KIRREL1: variants seen among roughly 807,000 people sequenced by gnomAD.
The protein encoded by KIRREL1 is kin of IRRE-like protein 1.
In KIRREL1, 25 loss-of-function variants were observed where a neutral mutation model predicts 83.3. The ratio of observed to expected loss-of-function variants is 0.30; its 90% CI spans 0.22 to 0.42. The LOEUF is 0.42. KIRREL1 is among the 10% of genes least tolerant of loss of function. The pLI is 1.00. For synonymous variants in KIRREL1, 388 were observed against 410.4 expected (o/e 0.95, Z 0.66); for missense variants, 812 against 1,032.3 (o/e 0.79, Z 2.92).
intron 1 of KIRREL1, among the ~76,000 whole-genome samples, chr1:158,011,828 C>T (rs370228576): frequency 5.3e-5 from 8 of 152,280 alleles, no homozygotes; most frequent in South Asian, 2.1e-4. Context: ...GCCACGAGGA[C>T]GTAGTCACAC....
rs1374089940 is a variant in KIRREL1 at position 158,096,469 on chromosome 1, G to A, written c.*1349G>A. On this transcript the variant is annotated 3_prime_UTR_variant, in exon 15 of 15. Coordinates refer to ENST00000359209, the MANE Select transcript of KIRREL1 (RefSeq NM_018240.7). ...GACCCTATGTGGGCGGTTGTGTGGG[G>A]AGTGGGTACTTGTGAGCCTCGGACA... 1.2e-5 allele frequency: 5 copies of A among 404,094 alleles called. No homozygotes were observed. In the East Asian group the frequency reaches 2.9e-4, roughly 23 times the overall value. 25.0% of individuals were successfully genotyped at this position (404,094 alleles called of 1,614,324 possible). A position where few individuals can be genotyped will look rare whatever the true frequency, so the allele number is the denominator to read the frequency against.
chr1:158,048,061 TAAG>T (rs1298409599), intron 1 of KIRREL1, among the ~76,000 whole-genome samples: 3 of 152,152 alleles, frequency 2.0e-5, no homozygotes, highest in Non-Finnish European at 4.4e-5. Flanking sequence ...TCTCTTACTT[TAAG>T]AAGATCTCTG....
chr1:157,994,123 G>GGTGGGAT (rs1314041030), intron 1 of KIRREL1, among the ~76,000 whole-genome samples: 1 of 152,194 alleles, frequency 6.6e-6, no homozygotes, highest in East Asian at 1.9e-4. Context: ...CTGGGAAGAG[G>GGTGGGAT]GTGGGATTTC....
At chr1:158,040,363 A>C (rs1054437819) in intron 1 of KIRREL1, among the ~76,000 whole-genome samples, 1 of 152,224 alleles carries the variant, frequency 6.6e-6, no homozygotes. Flanking sequence ...AGAGACATGG[A>C]AAAGAAAAAA....
chr1:158,047,597 C>T (rs1180153400), intron 1 of KIRREL1, among the ~76,000 whole-genome samples: 1 of 152,182 alleles, frequency 6.6e-6, no homozygotes, highest in Non-Finnish European at 1.5e-5. Context: ...GGTGCTTTAT[C>T]ATTTACAGAG....
rs549554297 is a variant in KIRREL1, at chr1:158,047,365, G to T, written c.53-28748G>T. 3.4e-4 allele frequency among the ~76,000 whole-genome samples: 51 copies of T among 152,148 alleles called. 1 individual carries two copies. Among genetic ancestry groups the T allele is most frequent in the Non-Finnish European group, 1.3e-4 (9 of 68,020 alleles). The stretch of plus-strand genomic sequence containing the variant: ...TGGAAAGTGCTGACAAGGCCCCTGT[G>T]TCTGACTGGGGTGGGGAATGGGGGT... On this transcript the variant is annotated intron_variant, in intron 1 of 14. Transcript: ENST00000359209.
intron 1 of KIRREL1, among the ~76,000 whole-genome samples, chr1:158,010,541 A>G (rs1659658616): frequency 6.6e-6 from 1 of 152,040 alleles, no homozygotes; most frequent in Non-Finnish European, 1.5e-5. Flanking sequence ...CATGTTGATA[A>G]GAGTTTCTCC....
chr1:158,058,594 T>G (rs1661129398), intron 1 of KIRREL1, among the ~76,000 whole-genome samples: 1 of 152,144 alleles, frequency 6.6e-6, no homozygotes, highest in Non-Finnish European at 1.5e-5. Flanking sequence ...CCTAGGTTTC[T>G]GATCCTGCTT....
intron 1 of KIRREL1, among the ~76,000 whole-genome samples, chr1:158,056,105 A>G (rs1021741403): frequency 6.6e-6 from 1 of 152,060 alleles, no homozygotes; most frequent in African/African-American, 2.4e-5. Flanking sequence ...CCTGCCAGGG[A>G]TACACTCCTC....
At chr1:158,058,383 A>G (rs572834166) in intron 1 of KIRREL1, among the ~76,000 whole-genome samples, 52 of 152,144 alleles carry the variant, frequency 3.4e-4, no homozygotes, top group African/African-American at 1.2e-3. Context: ...ATCCTTCATT[A>G]TTATTCTGTG....
At chr1:158,092,683 G>T (rs1308950626) in intron 11 of KIRREL1, among the ~76,000 whole-genome samples, 4 of 152,160 alleles carry the variant, frequency 2.6e-5, no homozygotes. Context: ...CCAGCAAGGG[G>T]GTTGGGGGTG....
chr1:158,012,864 C>G (rs1659726365), intron 1 of KIRREL1, among the ~76,000 whole-genome samples: 1 of 152,238 alleles, frequency 6.6e-6, no homozygotes, highest in South Asian at 2.1e-4. Flanking sequence ...GGGGAAATGA[C>G]TTGCTTAAGC....
chr1:158,014,426 C>T (rs1206600670), intron 1 of KIRREL1, among the ~76,000 whole-genome samples: 1 of 152,138 alleles, frequency 6.6e-6, no homozygotes, highest in African/African-American at 2.4e-5. Context: ...GCCGCAGGTT[C>T]CATACTCCTG....
intron 11 of KIRREL1, 64 bp downstream of exon 11, chr1:158,091,620 T>A (rs1662199618): frequency 1.3e-6 from 2 of 1,499,366 alleles, no homozygotes; most frequent in Admixed American, 3.4e-5. Flanking sequence ...CTCCTTCTTT[T>A]CTCCAGGGGC....
At chr1:158,092,050 C>T (rs867035880) in intron 11 of KIRREL1, among the ~76,000 whole-genome samples, 29 of 152,134 alleles carry the variant, frequency 1.9e-4, no homozygotes, top group Admixed American at 6.5e-4. Context: ...ATTGGGTGGA[C>T]GTGAGGATTA....
At chr1:158,032,729 A>G (rs1660362896) in intron 1 of KIRREL1, among the ~76,000 whole-genome samples, 1 of 151,866 alleles carries the variant, frequency 6.6e-6, no homozygotes, top group African/African-American at 2.4e-5. Flanking sequence ...CTCCTTATAA[A>G]TCATTCCCAG....
intron 1 of KIRREL1, among the ~76,000 whole-genome samples, chr1:158,032,692 T>C (rs1479193699): frequency 2.0e-5 from 3 of 152,098 alleles, no homozygotes; most frequent in Non-Finnish European, 4.4e-5. Flanking sequence ...GCCCCCCACC[T>C]CCCACCTTTC....
rs1348831562 is a variant in KIRREL1, at chr1:158,034,282, AAAAAG to A, written c.52+40559_52+40563del. On this transcript the variant is annotated intron_variant, in intron 1 of 14. Transcript: ENST00000359209. ...TAGACTCCGTCTCAAAAAAAAAAAA[AAAAAG>A]AAAAAAAGAAAATGAAATTTTTCTT... 1.6e-3 allele frequency among the ~76,000 whole-genome samples: 198 copies of A among 126,688 alleles called. 2 individuals carry two copies. The highest frequency in any genetic ancestry group is 6.0e-3 in the African/African-American group (193 of 32,318). The allele number at this position is 126,688 out of a possible 152,430, so 83.1% of individuals were successfully genotyped here. A position where few individuals can be genotyped will look rare whatever the true frequency, so the allele number is the denominator to read the frequency against.
At chr1:158,076,307 G>A (rs149775287) in intron 2 of KIRREL1, 45 bp downstream of exon 2, 28 of 1,579,348 alleles carry the variant, frequency 1.8e-5, no homozygotes, top group African/African-American at 2.7e-5. Context: ...CATCTTCTCC[G>A]CCATTCCCCA....
Sources: gnomAD v4.1 joint callset for allele counts (sites outside exome capture counted in the v4.1 genomes callset) on GRCh38, gnomAD v4.1.1 for gene constraint, MANE v1.5 for transcripts, NCBI Gene and HGNC (gene_info 2026-07-23, HGNC 2026-07-21) for gene names.